Variants in CCND3 observed in about 807,000 individuals in gnomAD.
CCND3 encodes the protein G1/S-specific cyclin-D3.
Under a neutral mutation model 28.7 loss-of-function variants are expected in CCND3, and 9 were observed. The observed-to-expected ratio is 0.31, with a 90% CI of 0.19 to 0.55. CCND3 has a LOEUF of 0.55. Ranked by LOEUF, CCND3 falls within the 20% of genes least tolerant of loss-of-function variation. CCND3 has a pLI of 0.93. For missense variants in CCND3, 315 were observed against 385.8 expected, an observed-to-expected ratio of 0.82 and a Z score of 1.54; for synonymous variants, 164 against 163.9, an observed-to-expected ratio of 1.00 and a Z score of 0.00.
chr6:41,991,217 C>G (rs548779550), intron 1 of CCND3, among the ~76,000 whole-genome samples: 79 of 152,068 alleles, frequency 5.2e-4, no homozygotes, highest in African/African-American at 1.8e-3. Context: ...TGGCACCACA[C>G]CCGGCTAATT....
At position 41,941,489 on chromosome 6, in the gene CCND3, G is replaced by A; in HGVS notation, c.161C>T (p.Pro54Leu). 6.2e-7 allele frequency: 1 copy of A among 1,607,980 alleles called. No individual in the cohort carries two copies. Among genetic ancestry groups the A allele is most frequent in the Non-Finnish European group, 8.5e-7 (1 of 1,178,624 alleles). The stretch of plus-strand genomic sequence containing the variant: ...GTAAGCCAGCATCTTCCGCATGTGC[G>A]GCTTGATCTCCCGCTGCACGCACTG... ...YFQCVQREIK[P>L]HMRKMLAYWM... Residue 54 changes from proline (P) to leucine (L), a missense_variant, in exon 1 of 5, where the codon CCG becomes CTG. Transcript: ENST00000372991. This position sits in a 1 kb window ranked among gnomAD's most constrained non-coding sequence, Gnocchi z 6.1.
upstream of CCND3, among the ~76,000 whole-genome samples, chr6:41,945,242 G>A (rs892896432): frequency 1.4e-4 from 22 of 152,268 alleles, no homozygotes; most frequent in African/African-American, 5.3e-4. Flanking sequence ...GGCCAGGCAC[G>A]GTGGCTCACG....
intron 1 of CCND3, among the ~76,000 whole-genome samples, chr6:42,025,999 A>C (rs1431221420): frequency 6.6e-6 from 1 of 152,192 alleles, no homozygotes; most frequent in Non-Finnish European, 1.5e-5. Context: ...AGCCACATGG[A>C]GATTCCCACC....
At chr6:41,961,195 C>G (rs187898742) in intron 1 of CCND3, among the ~76,000 whole-genome samples, 25 of 152,150 alleles carry the variant, frequency 1.6e-4, no homozygotes, top group African/African-American at 6.0e-4. Context: ...TCCTTGTGGC[C>G]GAGCGTGGTG....
upstream of CCND3, among the ~76,000 whole-genome samples, chr6:41,946,360 G>T (rs1049587044): frequency 6.6e-6 from 1 of 151,794 alleles, no homozygotes; most frequent in Non-Finnish European, 1.5e-5. Flanking sequence ...ACGTTGGGAG[G>T]CAGGGGCAGG....
intron 1 of CCND3, among the ~76,000 whole-genome samples, chr6:42,012,835 T>C (rs577580000): frequency 6.6e-6 from 1 of 152,344 alleles, no homozygotes; most frequent in South Asian, 2.1e-4. Context: ...TCTACCAGAT[T>C]CATTATATGC....
intron 1 of CCND3, among the ~76,000 whole-genome samples, chr6:41,950,451 G>C (rs975436593): frequency 5.7e-4 from 86 of 152,122 alleles, no homozygotes; most frequent in Non-Finnish European, 1.1e-3. Context: ...ATCCTGGGCA[G>C]TTTACTTAAC....
chr6:41,938,312 C>T lies in CCND3; in HGVS notation c.415-918G>A, dbSNP rs1775875703. On this transcript the variant is annotated intron_variant, in intron 2 of 4. Coordinates refer to ENST00000372991, the MANE Select transcript of CCND3 (RefSeq NM_001760.5). The surrounding 1 kb of genome is among the most constrained non-coding windows in gnomAD (Gnocchi z 4.6). The stretch of plus-strand genomic sequence containing the variant: ...AGGAAGGAACTTGTGGGTTTGACTC[C>T]TTATTGAGGCAGAAATGGCAACCCC... The T allele has an allele frequency of 6.6e-6, 1 of 152,162 alleles. No homozygotes were observed. The highest frequency in any genetic ancestry group is 2.4e-5 in the African/African-American group (1 of 41,394). The allele number at this position is 152,162 out of a possible 1,614,324, so 9.4% of individuals were successfully genotyped here.
upstream of CCND3, among the ~76,000 whole-genome samples, chr6:41,946,257 G>A (rs979608895): frequency 9.2e-5 from 14 of 152,198 alleles, no homozygotes; most frequent in East Asian, 1.9e-4. Flanking sequence ...TGGCTGGCAC[G>A]TGGTGAACCC....
intron 1 of CCND3, among the ~76,000 whole-genome samples, chr6:42,014,451 A>G (rs1325502592): frequency 6.6e-6 from 1 of 152,210 alleles, no homozygotes; most frequent in African/African-American, 2.4e-5. Context: ...TAACTCCCTT[A>G]GTGTATAGTC....
At chr6:41,949,819 G>A (rs973361908) in intron 1 of CCND3, among the ~76,000 whole-genome samples, 1 of 151,980 alleles carries the variant, frequency 6.6e-6, no homozygotes, top group Non-Finnish European at 1.5e-5. Context: ...ACAGGGCCGG[G>A]TGTGGTGGCT....
chr6:41,973,767 C>A (rs893025458), intron 1 of CCND3, among the ~76,000 whole-genome samples: 3 of 152,242 alleles, frequency 2.0e-5, no homozygotes, highest in Admixed American at 1.3e-4. Context: ...AATAGCTGTA[C>A]AATCATGGAC....
chr6:41,979,456 C>T (rs1299202893), intron 1 of CCND3, among the ~76,000 whole-genome samples: 1 of 150,578 alleles, frequency 6.6e-6, no homozygotes, highest in African/African-American at 2.4e-5. Context: ...ATGGCATGAA[C>T]CTGGGAGGTG....
intron 1 of CCND3, among the ~76,000 whole-genome samples, chr6:42,028,370 G>A (rs72855215): frequency 0.017 from 2,635 of 152,314 alleles, 32 homozygotes; most frequent in Non-Finnish European, 0.025. Flanking sequence ...CATGCTGGGC[G>A]AGGTGTGGAG....
chr6:41,951,541 G>GACACACAC lies in CCND3; in HGVS notation c.-45-10964_-45-10957dup, dbSNP rs1268678641. 3.8e-5 allele frequency among the ~76,000 whole-genome samples: 3 copies of GACACACAC among 78,018 alleles called. No individual in the cohort carries two copies. The East Asian group carries it at 1.4e-3, about 36-fold the overall frequency. The allele number at this position is 78,018 out of a possible 152,430, so 51.2% of individuals were successfully genotyped here. Reference sequence around the variant, plus strand: ...CATGTCACTGCACTCCAGCCTGAGCGACACACACACACACACACACACACA... The same window carrying GACACACAC: ...CATGTCACTGCACTCCAGCCTGAGCGACACACACACACACACACACACACACACACACA... On this transcript the variant is annotated intron_variant, in intron 1 of 4. Transcript: ENST00000372988.
rs1210125115 is a variant in CCND3 at position 41,935,434 on chromosome 6, C to G, written c.*506G>C. On this transcript the variant is annotated 3_prime_UTR_variant, in exon 5 of 5. Coordinates refer to ENST00000372991, the MANE Select transcript of CCND3 (RefSeq NM_001760.5). ...CTCCCTCTAGGAGCAGCTGTCAGCA[C>G]GGACTACATAGGGGCCTCCAAAGTA... is the stretch of plus-strand genomic sequence containing the variant. 1 of 247,910 alleles carries G rather than the reference C, an allele frequency of 4.0e-6. No homozygotes were observed. Among genetic ancestry groups the G allele is most frequent in the East Asian group, 5.9e-5 (1 of 16,936 alleles). 15.4% of individuals were successfully genotyped at this position (247,910 alleles called of 1,614,324 possible).
rs1253371195 is a variant in CCND3, at chr6:42,024,324, A to G, written c.-46+24177T>C. Among the ~76,000 whole-genome samples the G allele has an allele frequency of 3.3e-5, 5 of 151,346 alleles. No individual in the cohort carries two copies. The East Asian group carries it at 7.8e-4, about 24-fold the overall frequency. On this transcript the variant is annotated intron_variant, in intron 1 of 4. Transcript: ENST00000372988. Reference sequence around the variant, plus strand: ...AGGCTAAGGCAGGAGAATGGCATGAACCCAGGAGGCGGAGCTTGTAGTGAG... The same window carrying G: ...AGGCTAAGGCAGGAGAATGGCATGAGCCCAGGAGGCGGAGCTTGTAGTGAG...
chr6:41,988,289 A>G (rs1025957407), intron 1 of CCND3, among the ~76,000 whole-genome samples: 1 of 152,080 alleles, frequency 6.6e-6, no homozygotes, highest in African/African-American at 2.4e-5. Context: ...CTGGGTGGGC[A>G]ACAAGAGTGA....
In CCND3 at chr6:41,940,471, C is replaced by T; in HGVS notation, c.313G>A (p.Val105Ile). Residue 105 changes from valine (V) to isoleucine (I), a missense_variant, in exon 2 of 5, where the codon GTC becomes ATC. Transcript: ENST00000372991. ...AGCTTGGAGGCCAGCAGCATGCAGACCGCACCCAGGAGCTGCAACTGCGCC... is the reference window on the plus strand; with the variant it reads ...AGCTTGGAGGCCAGCAGCATGCAGATCGCACCCAGGAGCTGCAACTGCGCC... ...RKAQLQLLGA[V>I]CMLLASKLRE... 1 of 1,614,080 alleles carries T rather than the reference C, an allele frequency of 6.2e-7. No homozygotes were observed. Among genetic ancestry groups the T allele is most frequent in the Non-Finnish European group, 8.5e-7 (1 of 1,180,004 alleles).
Sources: allele counts gnomAD v4.1 joint callset (sites outside exome capture counted in the v4.1 genomes callset), GRCh38; gene constraint gnomAD v4.1.1; non-coding constraint Gnocchi (gnomAD v3.1); transcripts MANE v1.5; gene names NCBI Gene and HGNC (gene_info 2026-07-23, HGNC 2026-07-21).